Variants in ARL15 observed in about 807,000 individuals in gnomAD.
ARL15 encodes ADP-ribosylation factor-like protein 15.
A neutral mutation model predicts 25.2 loss-of-function variants in ARL15; 19 were observed. That is an observed-to-expected ratio of 0.75 (90% CI 0.53 to 1.10). The LOEUF (loss-of-function observed/expected upper bound fraction) is 1.10, where lower values mean the gene tolerates loss of function less well. ARL15 is among the 50% of genes least tolerant of loss of function. The pLI is 0.00. For missense variants in ARL15, 220 were observed against 246.0 expected, an observed-to-expected ratio of 0.89 and a Z score of 0.71; for synonymous variants, 94 against 86.8, an observed-to-expected ratio of 1.08 and a Z score of -0.46.
intron 4 of ARL15, among the ~76,000 whole-genome samples, chr5:54,062,430 G>A (rs1265387231): frequency 3.3e-5 from 5 of 151,770 alleles, no homozygotes; most frequent in East Asian, 3.9e-4. Flanking sequence ...GGAGAGACCC[G>A]GTGGGAGGCG....
At chr5:53,933,825 A>C (rs188789130) in intron 4 of ARL15, among the ~76,000 whole-genome samples, 1 of 152,182 alleles carries the variant, frequency 6.6e-6, no homozygotes, top group African/African-American at 2.4e-5. Context: ...ATATTTTCAC[A>C]ATGACACCTG....
intron 4 of ARL15, among the ~76,000 whole-genome samples, chr5:53,999,391 C>G (rs1484849780): frequency 1.3e-5 from 2 of 151,572 alleles, no homozygotes; most frequent in Admixed American, 1.3e-4. Context: ...CAGTTCAAGA[C>G]CAGCCTGGCC....
intron 4 of ARL15, among the ~76,000 whole-genome samples, chr5:54,000,521 G>T (rs1422875653): frequency 6.6e-6 from 1 of 152,164 alleles, no homozygotes; most frequent in African/African-American, 2.4e-5. Flanking sequence ...AGAAAGATGT[G>T]TCATAAATAT....
At chr5:54,070,798 T>C (rs1751394902) in intron 4 of ARL15, among the ~76,000 whole-genome samples, 1 of 151,738 alleles carries the variant, frequency 6.6e-6, no homozygotes, top group African/African-American at 2.4e-5. Context: ...TGAGCCTAGA[T>C]CACAGAGCCA....
chr5:54,120,528 C>T (rs776889277), intron 3 of ARL15, among the ~76,000 whole-genome samples: 3 of 152,118 alleles, frequency 2.0e-5, no homozygotes, highest in African/African-American at 7.2e-5. Context: ...AAACTGAAAG[C>T]ATAGAAAGAA....
At chr5:54,042,370 T>G (rs983528417) in intron 4 of ARL15, among the ~76,000 whole-genome samples, 28 of 152,250 alleles carry the variant, frequency 1.8e-4, no homozygotes, top group African/African-American at 6.3e-4. Context: ...TTCTAGGTAA[T>G]GTGACAGCCT....
chr5:54,031,696 C>T (rs541353605), intron 4 of ARL15, among the ~76,000 whole-genome samples: 5 of 152,146 alleles, frequency 3.3e-5, no homozygotes, highest in South Asian at 2.1e-4. Context: ...CCATTCATGG[C>T]GAGAGTACTT....
At chr5:54,067,669 A>C (rs1486869214) in intron 4 of ARL15, among the ~76,000 whole-genome samples, 2 of 152,188 alleles carry the variant, frequency 1.3e-5, no homozygotes, top group African/African-American at 4.8e-5. Flanking sequence ...AGCAATGAAC[A>C]ATTTAGTTTT....
chr5:54,295,390 C>T lies in ARL15; in HGVS notation c.48+15042G>A, dbSNP rs80185621. Among the ~76,000 whole-genome samples, 599 of 152,166 alleles carry T rather than the reference C, an allele frequency of 3.9e-3. 4 individuals carry two copies. Among genetic ancestry groups the T allele is most frequent in the African/African-American group, 0.013 (531 of 41,470 alleles). On this transcript the variant is annotated intron_variant, in intron 1 of 4. Coordinates refer to ENST00000504924, the MANE Select transcript of ARL15 (RefSeq NM_019087.3). ...ACTAGCACAGGAATCTCAGGATGCA[C>T]AAAAATTGCAGCCTACATCCACAGA...
intron 1 of ARL15, among the ~76,000 whole-genome samples, chr5:54,188,281 G>C (rs1436647993): frequency 6.6e-6 from 1 of 152,174 alleles, no homozygotes. Context: ...AGCAGTGGGG[G>C]AATGGGAGTG....
chr5:54,129,190 G>T (rs1046947553), intron 3 of ARL15, among the ~76,000 whole-genome samples: 4 of 152,080 alleles, frequency 2.6e-5, no homozygotes, highest in Non-Finnish European at 4.4e-5. Flanking sequence ...ATCTAAATCT[G>T]AACATTGATA....
At chr5:54,023,362 A>G (rs1436617056) in intron 4 of ARL15, among the ~76,000 whole-genome samples, 1 of 152,154 alleles carries the variant, frequency 6.6e-6, no homozygotes, top group Non-Finnish European at 1.5e-5. Context: ...ACCCTCAGGA[A>G]GGCAGGAAAA....
chr5:53,908,743 C>T (rs1020632692), intron 4 of ARL15, among the ~76,000 whole-genome samples: 5 of 152,152 alleles, frequency 3.3e-5, no homozygotes, highest in Non-Finnish European at 7.3e-5. Context: ...TCCGTACACT[C>T]ACTAAATGCA....
At chr5:53,966,942 A>C (rs150155476) in intron 4 of ARL15, among the ~76,000 whole-genome samples, 122 of 152,336 alleles carry the variant, frequency 8.0e-4, no homozygotes, top group Middle Eastern at 3.4e-3. Flanking sequence ...GATCCTATAC[A>C]TCTACCTTTA....
chr5:54,259,950 T>C (rs1757459914), intron 1 of ARL15, among the ~76,000 whole-genome samples: 1 of 152,228 alleles, frequency 6.6e-6, no homozygotes, highest in African/African-American at 2.4e-5. Flanking sequence ...CAACTGATTC[T>C]GTGAATACAG....
At chr5:53,967,938 G>A (rs892583199) in intron 4 of ARL15, among the ~76,000 whole-genome samples, 2 of 152,168 alleles carry the variant, frequency 1.3e-5, no homozygotes, top group African/African-American at 4.8e-5. Context: ...AAGTAGTCCT[G>A]TAAAAAGCAG....
chr5:53,972,418 G>C (rs1561171287), intron 4 of ARL15, among the ~76,000 whole-genome samples: 1 of 152,112 alleles, frequency 6.6e-6, no homozygotes, highest in Non-Finnish European at 1.5e-5. Flanking sequence ...CTTTGACTCA[G>C]AAAACTTGGT....
intron 1 of ARL15, among the ~76,000 whole-genome samples, chr5:54,176,580 T>C (rs1411338372): frequency 3.3e-5 from 5 of 152,308 alleles, no homozygotes; most frequent in African/African-American, 1.2e-4. Flanking sequence ...TGTTGTACAA[T>C]GCGAAACACA....
Position 53,885,213 on chromosome 5 carries a change from G to GTT in ARL15, c.*1346_*1347dup, listed in dbSNP as rs140007319. 1,051 of 152,344 alleles carry GTT rather than the reference G, an allele frequency of 6.9e-3. 3 individuals are homozygous for GTT. Among genetic ancestry groups the GTT allele is most frequent in the Non-Finnish European group, 0.012 (800 of 67,930 alleles). 9.4% of individuals were successfully genotyped at this position (152,344 alleles called of 1,614,324 possible). A position where few individuals can be genotyped will look rare whatever the true frequency, so the allele number is the denominator to read the frequency against. On this transcript the variant is annotated 3_prime_UTR_variant, in exon 5 of 5. Coordinates refer to ENST00000504924, the MANE Select transcript of ARL15 (RefSeq NM_019087.3). Reference sequence around the variant, plus strand: ...TTTTTACACTCATGTGCAGGGAGCAGTTTTTTTTATCATTTGGCCACTTAG... The same window carrying GTT: ...TTTTTACACTCATGTGCAGGGAGCAGTTTTTTTTTTATCATTTGGCCACTTAG...
Sources: allele counts gnomAD v4.1 joint callset (sites outside exome capture counted in the v4.1 genomes callset), GRCh38; gene constraint gnomAD v4.1.1; transcripts MANE v1.5; gene names NCBI Gene and HGNC (gene_info 2026-07-23, HGNC 2026-07-21).